Variants in SMARCAD1 observed in about 807,000 individuals in gnomAD.
SMARCAD1 encodes the protein SWI/SNF-related matrix-associated actin-dependent regulator of chromatin subfamily A containing DEAD/H box 1.
A neutral mutation model predicts 127.1 loss-of-function variants in SMARCAD1; 25 were observed. The ratio of observed to expected loss-of-function variants is 0.20; its 90% CI spans 0.14 to 0.27. The LOEUF is 0.27. Among genes scored for constraint, SMARCAD1 ranks in the 10% least tolerant of loss-of-function variants. The pLI is 1.00. For missense variants in SMARCAD1, 807 were observed against 1,206.0 expected (o/e 0.67, Z 4.90); for synonymous variants, 400 against 396.9 (o/e 1.01, Z -0.09).
chr4:94,245,184 C>G (rs905697071), intron 6 of SMARCAD1, among the ~76,000 whole-genome samples: 3 of 152,198 alleles, frequency 2.0e-5, no homozygotes, highest in Middle Eastern at 3.4e-3. Context: ...TCGGAGCAGT[C>G]AAAAATGAGG....
chr4:94,270,631 A>G, intron 10 of SMARCAD1, 97 bp from the exon 11 acceptor site: 2 of 969,148 alleles, frequency 2.1e-6, no homozygotes, highest in Non-Finnish European at 3.3e-6. Context: ...AGGTAAGATT[A>G]GACCTAGGCA....
chr4:94,236,512 TAAAA>T (rs1220098365), intron 4 of SMARCAD1, among the ~76,000 whole-genome samples: 1 of 150,834 alleles, frequency 6.6e-6, no homozygotes, highest in South Asian at 2.1e-4. Context: ...CCCTAGAAAT[TAAAA>T]AAAAAGTAAA....
Position 94,289,786 on chromosome 4 carries a change from CTGAA to C in SMARCAD1, c.*255_*258del. 1 of 585,716 alleles carries C rather than the reference CTGAA, an allele frequency of 1.7e-6. No homozygotes were observed. Among genetic ancestry groups the C allele is most frequent in the South Asian group, 1.5e-5 (1 of 65,236 alleles). The allele number at this position is 585,716 out of a possible 1,614,324, so 36.3% of individuals were successfully genotyped here. ...AATAATCATTTTACAAAGCAGTTTTCTGAATGGGGATTAGTTGGTGATTGTTTGT... is the reference window on the plus strand; with the variant it reads ...AATAATCATTTTACAAAGCAGTTTTCTGGGGATTAGTTGGTGATTGTTTGT... On this transcript the variant is annotated 3_prime_UTR_variant, in exon 24 of 24. Transcript: ENST00000354268.
At chr4:94,211,237 A>G (rs1742203675) in intron 2 of SMARCAD1, among the ~76,000 whole-genome samples, 1 of 152,164 alleles carries the variant, frequency 6.6e-6, no homozygotes, top group Non-Finnish European at 1.5e-5. Context: ...GTGCCATTGC[A>G]CTCCAGCCTG....
At position 94,252,902 on chromosome 4, in the gene SMARCAD1, C is replaced by T. The variant is rs1749496935; in HGVS notation, c.1176C>T (p.Phe392=). 1.2e-6 allele frequency: 2 copies of T among 1,614,106 alleles called. No individual in the cohort carries two copies. The highest frequency in any genetic ancestry group is 2.2e-5 in the East Asian group (1 of 44,860). The change falls in exon 9 of 24, where the codon TTC becomes TTT. Residue 392 remains phenylalanine (F), a synonymous_variant. Coordinates refer to ENST00000354268, the MANE Select transcript of SMARCAD1 (RefSeq NM_020159.5). The stretch of plus-strand genomic sequence containing the variant: ...GCTATAAAGGTAAAATTCTTCACTT[C>T]CTTCAAGATGCTTCAATTGGTGAAC... ...EDGYKGKILH[F]LQDASIGELT... is the part of the protein sequence containing the mutation.
intron 2 of SMARCAD1, among the ~76,000 whole-genome samples, chr4:94,223,056 A>G (rs1380465798): frequency 6.6e-6 from 1 of 152,180 alleles, no homozygotes; most frequent in Non-Finnish European, 1.5e-5. Flanking sequence ...AAAGGTCAAT[A>G]AAGAGTCATG....
chr4:94,208,457 C>G lies in SMARCAD1; in HGVS notation c.63C>G (p.Pro21=), dbSNP rs1448087313. 3.7e-6 allele frequency: 6 copies of G among 1,614,080 alleles called. 1 individual carries two copies. In the South Asian group the frequency reaches 5.5e-5, roughly 15 times the overall value. Residue 21 remains proline, a synonymous_variant, in exon 2 of 24, where the codon CCC becomes CCG. Coordinates refer to ENST00000354268, the MANE Select transcript of SMARCAD1 (RefSeq NM_020159.5). ...FEKRNKIEEA[P]EATPQPSQPG... ...AAAGGAATAAGATTGAGGAAGCGCC[C>G]GAAGCAACCCCTCAACCTTCCCAGC...
chr4:94,213,218 C>T (rs1285714261), intron 2 of SMARCAD1: 1 of 605,974 alleles, frequency 1.7e-6, no homozygotes, highest in Non-Finnish European at 2.5e-6. Flanking sequence ...AAATACTAAG[C>T]AAAGTAGAAT....
At chr4:94,285,105 C>T (rs200945389) in intron 23 of SMARCAD1, 36 bp downstream of exon 23, 2 of 234,406 alleles carry the variant, frequency 8.5e-6, no homozygotes, top group Non-Finnish European at 1.2e-5. Flanking sequence ...CAATATTTAT[C>T]TATATGACCA....
intron 21 of SMARCAD1, 39 bp downstream of exon 21, chr4:94,281,629 T>TTTA (rs764108345): frequency 2.4e-6 from 3 of 1,233,070 alleles, no homozygotes; most frequent in Non-Finnish European, 3.6e-6. Flanking sequence ...AAATAACTCA[T>TTTA]TTATTATTAT....
chr4:94,259,289 A>G (rs1004421320), intron 9 of SMARCAD1, among the ~76,000 whole-genome samples: 1 of 152,240 alleles, frequency 6.6e-6, no homozygotes, highest in Non-Finnish European at 1.5e-5. Flanking sequence ...TTTTATTTAC[A>G]TGAGAGATTA....
chr4:94,251,801 A>C (rs1202903507), intron 8 of SMARCAD1, among the ~76,000 whole-genome samples: 1 of 152,142 alleles, frequency 6.6e-6, no homozygotes, highest in Non-Finnish European at 1.5e-5. Context: ...ACTGATAATC[A>C]GTGATAAAGT....
At chr4:94,242,741 CAA>C (rs35038953) in intron 6 of SMARCAD1, among the ~76,000 whole-genome samples, 6 of 127,604 alleles carry the variant, frequency 4.7e-5, no homozygotes, top group Admixed American at 7.9e-5. Context: ...CCTGTCTCTG[CAA>C]AAAAAAAAAA....
At chr4:94,224,111 T>C (rs776809522) in intron 2 of SMARCAD1, among the ~76,000 whole-genome samples, 1 of 152,176 alleles carries the variant, frequency 6.6e-6, no homozygotes, top group Non-Finnish European at 1.5e-5. Context: ...ATGATGATAA[T>C]ATGTAGGTTT....
chr4:94,238,356 A>G (rs1747033383), intron 5 of SMARCAD1, among the ~76,000 whole-genome samples: 1 of 152,128 alleles, frequency 6.6e-6, no homozygotes, highest in African/African-American at 2.4e-5. Flanking sequence ...AAGTAGTATA[A>G]TAGTGCCAAA....
intron 6 of SMARCAD1, among the ~76,000 whole-genome samples, chr4:94,241,852 A>AT (rs1442792960): frequency 2.6e-5 from 4 of 152,112 alleles, no homozygotes; most frequent in Admixed American, 6.6e-5. Context: ...TGCCATGGCC[A>AT]TTTGTAAATG....
chr4:94,229,603 A>G (rs904882832), intron 3 of SMARCAD1, among the ~76,000 whole-genome samples: 2 of 152,076 alleles, frequency 1.3e-5, no homozygotes, highest in Non-Finnish European at 2.9e-5. Flanking sequence ...AAAATTAGCA[A>G]TTTCTCCAAG....
Position 94,248,383 on chromosome 4 carries a change from A to T in SMARCAD1, c.706-1271A>T, listed in dbSNP as rs1201708082. On this transcript the variant is annotated intron_variant, in intron 6 of 23. Coordinates refer to ENST00000354268, the MANE Select transcript of SMARCAD1 (RefSeq NM_020159.5). ...AAGTTTAGTTTTCACTTATGTAGTG[A>T]AAAAGCAGTGGTCTAGAGTTAGATA... The T allele has an allele frequency of 9.5e-6, 4 of 422,584 alleles. No individual in the cohort carries two copies. The East Asian group carries it at 2.9e-4, about 30-fold the overall frequency. 26.2% of individuals were successfully genotyped at this position (422,584 alleles called of 1,614,324 possible).
At chr4:94,287,039 T>A (rs1179602346) in intron 23 of SMARCAD1, among the ~76,000 whole-genome samples, 1 of 152,216 alleles carries the variant, frequency 6.6e-6, no homozygotes, top group Admixed American at 6.5e-5. Flanking sequence ...TAATTTTTTG[T>A]ATTTTTAGTA....
Sources: allele counts gnomAD v4.1 joint callset (sites outside exome capture counted in the v4.1 genomes callset), GRCh38; gene constraint gnomAD v4.1.1; transcripts MANE v1.5; gene names NCBI Gene and HGNC (gene_info 2026-07-23, HGNC 2026-07-21).